Variants in DOK6 observed in about 807,000 individuals in gnomAD.
DOK6 encodes the protein docking protein 6.
A neutral mutation model predicts 44.0 loss-of-function variants in DOK6; 22 were observed. The observed-to-expected ratio is 0.50, with a 90% CI of 0.36 to 0.71. The LOEUF (loss-of-function observed/expected upper bound fraction) is 0.71, where lower values mean the gene tolerates loss of function less well. Among genes scored for constraint, DOK6 ranks in the 30% least tolerant of loss-of-function variants. The pLI is 0.00. For missense variants in DOK6, 340 were observed against 416.4 expected (o/e 0.82, Z 1.60); for synonymous variants, 166 against 145.5 (o/e 1.14, Z -1.01).
chr18:69,448,424 T>A (rs2122453729), intron 1 of DOK6, among the ~76,000 whole-genome samples: 1 of 152,226 alleles, frequency 6.6e-6, no homozygotes, highest in African/African-American at 2.4e-5. Context: ...CAGGCTGGAG[T>A]CCAATGGCGC....
At chr18:69,818,464 G>A (rs562999736) in intron 7 of DOK6, among the ~76,000 whole-genome samples, 1 of 152,256 alleles carries the variant, frequency 6.6e-6, no homozygotes, top group Admixed American at 6.5e-5. Context: ...CAGGGACCAG[G>A]CCTCCAGCAG....
At chr18:69,514,559 A>G (rs755040669) in intron 1 of DOK6, among the ~76,000 whole-genome samples, 1 of 152,182 alleles carries the variant, frequency 6.6e-6, no homozygotes, top group Non-Finnish European at 1.5e-5. Context: ...CATAGAGTAC[A>G]TATAATTCAT....
At chr18:69,603,436 G>T (rs891215261) in intron 3 of DOK6, among the ~76,000 whole-genome samples, 5 of 152,102 alleles carry the variant, frequency 3.3e-5, no homozygotes, top group Non-Finnish European at 7.4e-5. Flanking sequence ...CACAGTTATT[G>T]CTACCATGTT....
At chr18:69,475,737 A>G (rs970623742) in intron 1 of DOK6, among the ~76,000 whole-genome samples, 2 of 152,226 alleles carry the variant, frequency 1.3e-5, no homozygotes, top group Admixed American at 6.5e-5. Context: ...CAGCTCTTCT[A>G]GTAAACATGC....
In DOK6 at chr18:69,401,155, G is replaced by A; in HGVS notation, c.-90G>A. The A allele has an allele frequency of 3.1e-6, 4 of 1,308,412 alleles. No individual in the cohort carries two copies. Among genetic ancestry groups the A allele is most frequent in the South Asian group, 3.9e-5 (2 of 51,632 alleles). The allele number at this position is 1,308,412 out of a possible 1,614,324, so 81.1% of individuals were successfully genotyped here. On this transcript the variant is annotated 5_prime_UTR_variant, in exon 1 of 8. Coordinates refer to ENST00000382713, the MANE Select transcript of DOK6 (RefSeq NM_152721.6). The stretch of plus-strand genomic sequence containing the variant: ...CGCTGCTGCTGGCGGCGGCCGGCTG[G>A]ATGCGAGACCCGCGCAGACCCGGCG...
chr18:69,694,089 A>AAAAAAAAAAAAT (rs1372739323), intron 4 of DOK6, among the ~76,000 whole-genome samples: 42 of 144,314 alleles, frequency 2.9e-4, no homozygotes, highest in South Asian at 8.8e-4. Flanking sequence ...AAAAAAAAAA[A>AAAAAAAAAAAAT]ATTGATCTAT....
intron 2 of DOK6, among the ~76,000 whole-genome samples, chr18:69,580,631 C>T (rs890794766): frequency 2.0e-5 from 3 of 152,082 alleles, no homozygotes; most frequent in African/African-American, 7.2e-5. Flanking sequence ...ATGTTCAAAT[C>T]AGGATAATTC....
At chr18:69,564,198 A>C (rs1397966669) in intron 1 of DOK6, among the ~76,000 whole-genome samples, 1 of 152,198 alleles carries the variant, frequency 6.6e-6, no homozygotes, top group Non-Finnish European at 1.5e-5. Flanking sequence ...TGTCACTAGG[A>C]TGGTGATAAT....
intron 3 of DOK6, among the ~76,000 whole-genome samples, chr18:69,653,811 C>T (rs1052149449): frequency 3.3e-5 from 5 of 152,072 alleles, no homozygotes; most frequent in African/African-American, 9.7e-5. Flanking sequence ...CTCAAATTAT[C>T]GCTATAATGT....
chr18:69,565,717 A>G (rs2144599053), intron 2 of DOK6, among the ~76,000 whole-genome samples: 1 of 152,220 alleles, frequency 6.6e-6, no homozygotes, highest in African/African-American at 2.4e-5. Context: ...AGAGAATACA[A>G]CTTTCTGTCC....
intron 1 of DOK6, among the ~76,000 whole-genome samples, chr18:69,492,779 G>C (rs985285274): frequency 2.9e-5 from 3 of 104,608 alleles, no homozygotes; most frequent in African/African-American, 6.0e-5. Context: ...ATATTCCATG[G>C]TGTATATGTA....
intron 1 of DOK6, among the ~76,000 whole-genome samples, chr18:69,545,516 C>CAAAAAAAAAAA: frequency 1.4e-5 from 1 of 69,594 alleles, no homozygotes; most frequent in Middle Eastern, 0.011. Context: ...AGTGAAATAC[C>CAAAAAAAAAAA]AAAAAAAAAA....
intron 6 of DOK6, 196 bp downstream of exon 6, chr18:69,739,299 A>C: frequency 3.2e-6 from 2 of 622,226 alleles, no homozygotes; most frequent in Non-Finnish European, 2.5e-6. Context: ...GTGGCCACCA[A>C]CTGTGAGCCC....
intron 5 of DOK6, among the ~76,000 whole-genome samples, chr18:69,734,862 T>G (rs1292747855): frequency 3.3e-5 from 5 of 152,296 alleles, no homozygotes; most frequent in African/African-American, 1.2e-4. Context: ...CTTTCACACA[T>G]CATGTGGGAA....
intron 3 of DOK6, among the ~76,000 whole-genome samples, chr18:69,664,639 C>T (rs560562935): frequency 8.0e-4 from 122 of 152,288 alleles, no homozygotes; most frequent in African/African-American, 2.8e-3. Context: ...CAAGCAATAT[C>T]ACCCTGTAGG....
intron 7 of DOK6, among the ~76,000 whole-genome samples, chr18:69,779,722 ATGTG>A (rs968278018): frequency 7.2e-5 from 10 of 139,078 alleles, no homozygotes; most frequent in African/African-American, 1.9e-4. Context: ...GTGTGTGTGC[ATGTG>A]TGTGTATTTG....
At chr18:69,686,841 A>C (rs1986163244) in intron 4 of DOK6, among the ~76,000 whole-genome samples, 1 of 152,154 alleles carries the variant, frequency 6.6e-6, no homozygotes, top group Non-Finnish European at 1.5e-5. Context: ...CATATCATTC[A>C]GTGGTTTCAA....
chr18:69,476,732 G>A (rs769995647), intron 1 of DOK6, among the ~76,000 whole-genome samples: 10 of 152,196 alleles, frequency 6.6e-5, no homozygotes, highest in Non-Finnish European at 1.0e-4. Flanking sequence ...TAGCAGGGCC[G>A]ACTGCGGCCT....
intron 1 of DOK6, among the ~76,000 whole-genome samples, chr18:69,445,185 T>C (rs1979250130): frequency 6.6e-6 from 1 of 152,164 alleles, no homozygotes; most frequent in Non-Finnish European, 1.5e-5. Flanking sequence ...TCTGCCACTT[T>C]GATAAATTTG....
Sources: gnomAD v4.1 joint callset for allele counts (sites outside exome capture counted in the v4.1 genomes callset) on GRCh38, gnomAD v4.1.1 for gene constraint, MANE v1.5 for transcripts, NCBI Gene and HGNC (gene_info 2026-07-23, HGNC 2026-07-21) for gene names.